The following ZDHHC15 variants were observed in gnomAD, a reference collection of about 807,000 sequenced individuals.
The protein encoded by ZDHHC15 is palmitoyltransferase ZDHHC15.
Under a neutral mutation model 31.7 loss-of-function variants are expected in ZDHHC15, and 19 were observed. That is an observed-to-expected ratio of 0.60 (90% CI 0.42 to 0.88). The LOEUF (loss-of-function observed/expected upper bound fraction) is 0.88, where lower values mean the gene tolerates loss of function less well. ZDHHC15 is among the 40% of genes least tolerant of loss of function. The pLI is 0.00. For synonymous variants in ZDHHC15, 103 were observed against 90.0 expected (o/e 1.14, Z -0.82); for missense variants, 209 against 251.2 (o/e 0.83, Z 1.14).
At chrX:75,383,734 G>GTTT (rs541238663) in intron 10 of ZDHHC15, among the ~76,000 whole-genome samples, 1,639 of 77,668 alleles carry the variant, frequency 0.021, 233 homozygotes, top group Non-Finnish European at 0.024. Context: ...AGAAATGTTA[G>GTTT]GTTTTTTTTT....
intron 2 of ZDHHC15, among the ~76,000 whole-genome samples, chrX:75,503,885 C>T (rs1439331786): frequency 9.0e-6 from 1 of 111,151 alleles, no homozygotes; most frequent in Non-Finnish European, 1.9e-5. Context: ...TCCTTCTTTG[C>T]CTCTTTCTAG....
At chrX:75,435,486 A>T (rs1337082689) in intron 4 of ZDHHC15, among the ~76,000 whole-genome samples, 1 of 112,055 alleles carries the variant, frequency 8.9e-6, no homozygotes. Context: ...TTTGTCATAG[A>T]TGGCTTTTAT....
rs751487425 is a variant in ZDHHC15 at position 75,370,155 on chromosome X, A to G, written c.*2823T>C. ...TCATTCCAGTCCTATAATTAAAGACATATAAGAGCACTAGAAAGTGACATA... is the reference window on the plus strand; with the variant it reads ...TCATTCCAGTCCTATAATTAAAGACGTATAAGAGCACTAGAAAGTGACATA... On this transcript the variant is annotated 3_prime_UTR_variant, in exon 12 of 12. Coordinates refer to ENST00000373367, the MANE Select transcript of ZDHHC15 (RefSeq NM_144969.3). 1.8e-5 allele frequency: 2 copies of G among 111,868 alleles called. No individual in the cohort carries two copies. The highest frequency in any genetic ancestry group is 1.9e-5 in the Non-Finnish European group (1 of 53,175). 9.2% of individuals were successfully genotyped at this position (111,868 alleles called of 1,213,427 possible). A position where few individuals can be genotyped will look rare whatever the true frequency, so the allele number is the denominator to read the frequency against.
intron 10 of ZDHHC15, among the ~76,000 whole-genome samples, chrX:75,401,168 A>C (rs1227448372): frequency 9.1e-6 from 1 of 109,728 alleles, no homozygotes; most frequent in Admixed American, 9.7e-5. Context: ...TTTTTTACAA[A>C]TTGGAGCACG....
At chrX:75,377,495 C>CA (rs1328198525) in intron 11 of ZDHHC15, among the ~76,000 whole-genome samples, 23 of 45,367 alleles carry the variant, frequency 5.1e-4, no homozygotes, top group Admixed American at 8.9e-4. Flanking sequence ...GACTCCATCT[C>CA]AAAAAAAAAA....
At chrX:75,511,650 C>G (rs932743368) in intron 1 of ZDHHC15, among the ~76,000 whole-genome samples, 1 of 106,491 alleles carries the variant, frequency 9.4e-6, no homozygotes, top group African/African-American at 3.4e-5. Flanking sequence ...GAAGTCCTTG[C>G]CCACGCCTAT....
intron 3 of ZDHHC15, among the ~76,000 whole-genome samples, chrX:75,476,682 CTTT>C (rs2084610357): frequency 9.5e-6 from 1 of 105,451 alleles, no homozygotes; most frequent in Non-Finnish European, 2.0e-5. Flanking sequence ...TGCCTGTACT[CTTT>C]TTTATGTTCC....
intron 3 of ZDHHC15, among the ~76,000 whole-genome samples, chrX:75,466,422 C>T (rs2084407516): frequency 9.0e-6 from 1 of 111,350 alleles, no homozygotes; most frequent in African/African-American, 3.3e-5. Context: ...CCATTTGACC[C>T]AGCAATCCCA....
At chrX:75,488,933 G>A (rs918365088) in intron 2 of ZDHHC15, among the ~76,000 whole-genome samples, 1 of 111,974 alleles carries the variant, frequency 8.9e-6, no homozygotes, top group African/African-American at 3.2e-5. Context: ...CTTAGCAAAC[G>A]GCACACCAGG....
intron 11 of ZDHHC15, among the ~76,000 whole-genome samples, chrX:75,375,720 T>C (rs906244724): frequency 1.8e-5 from 2 of 112,063 alleles, no homozygotes; most frequent in Admixed American, 1.9e-4. Context: ...TGCATCCATG[T>C]TGCAGAAAAG....
At chrX:75,492,050 T>A (rs1222911239) in intron 2 of ZDHHC15, among the ~76,000 whole-genome samples, 3 of 111,307 alleles carry the variant, frequency 2.7e-5, no homozygotes, top group Non-Finnish European at 5.7e-5. Flanking sequence ...GAAACCCATG[T>A]CATGTGCAGA....
chrX:75,477,177 T>C (rs1471859450), intron 3 of ZDHHC15, among the ~76,000 whole-genome samples: 1 of 111,988 alleles, frequency 8.9e-6, no homozygotes, highest in Non-Finnish European at 1.9e-5. Context: ...TATGAAACTG[T>C]AGATTTCTTT....
intron 11 of ZDHHC15, among the ~76,000 whole-genome samples, chrX:75,375,440 G>T (rs1179322064): frequency 9.0e-6 from 1 of 110,852 alleles, no homozygotes; most frequent in Non-Finnish European, 1.9e-5. Context: ...TTTAGATTCG[G>T]GGTACATGTG....
intron 4 of ZDHHC15, among the ~76,000 whole-genome samples, chrX:75,437,922 A>C (rs1306570999): frequency 7.2e-5 from 8 of 111,001 alleles, no homozygotes; most frequent in East Asian, 2.8e-4. Context: ...GAACTCAAAC[A>C]AATTTACAAG....
chrX:75,474,450 C>T (rs144491542), intron 3 of ZDHHC15, among the ~76,000 whole-genome samples: 256 of 11,794 alleles, frequency 0.022, 2 homozygotes, highest in Non-Finnish European at 0.08. Context: ...TATATATATA[C>T]ACACACACAC....
intron 2 of ZDHHC15, among the ~76,000 whole-genome samples, chrX:75,487,150 A>C (rs1196321724): frequency 1.8e-5 from 2 of 112,111 alleles, no homozygotes; most frequent in African/African-American, 6.5e-5. Flanking sequence ...TCCATGTCCT[A>C]CAACACCCTG....
At chrX:75,455,217 A>G (rs141191532) in intron 3 of ZDHHC15, among the ~76,000 whole-genome samples, 2,337 of 111,296 alleles carry the variant, frequency 0.021, 37 homozygotes, top group South Asian at 0.13. Flanking sequence ...AACACCACAC[A>G]TGTATAACCA....
At chrX:75,516,833 C>T (rs768009592) in intron 1 of ZDHHC15, among the ~76,000 whole-genome samples, 178 of 112,006 alleles carry the variant, frequency 1.6e-3, no homozygotes, top group African/African-American at 5.7e-3. Flanking sequence ...TTACAATCTA[C>T]ACATCTGACA....
intron 10 of ZDHHC15, among the ~76,000 whole-genome samples, chrX:75,397,318 C>G (rs1466546293): frequency 4.5e-5 from 3 of 66,867 alleles, no homozygotes; most frequent in Non-Finnish European, 3.6e-5. Flanking sequence ...CAGAGTGAGA[C>G]TCCATCTCAA....
Sources: gnomAD v4.1 joint callset for allele counts (sites outside exome capture counted in the v4.1 genomes callset) on GRCh38, gnomAD v4.1.1 for gene constraint, MANE v1.5 for transcripts, NCBI Gene and HGNC (gene_info 2026-07-23, HGNC 2026-07-21) for gene names.